Variants in TSPAN13 observed in about 807,000 individuals in gnomAD.
TSPAN13 encodes tetraspanin 13, also known as tetraspanin-13.
A neutral mutation model predicts 26.9 loss-of-function variants in TSPAN13; 18 were observed. The ratio of observed to expected loss-of-function variants is 0.67; its 90% CI spans 0.46 to 0.99. The LOEUF (loss-of-function observed/expected upper bound fraction) is 0.99, where lower values mean the gene tolerates loss of function less well. TSPAN13 is among the 50% of genes least tolerant of loss of function. The pLI is 0.00. For missense variants in TSPAN13, 201 were observed against 249.6 expected (o/e 0.81, Z 1.31); for synonymous variants, 116 against 98.4 (o/e 1.18, Z -1.06).
At chr7:16,754,094 C>T in intron 1 of TSPAN13, 64 bp downstream of exon 1, 1 of 1,526,356 alleles carries the variant, frequency 6.6e-7, no homozygotes, top group South Asian at 1.2e-5. Flanking sequence ...AGCTCTTTGG[C>T]TTCCCTGCCT....
Position 16,775,581 on chromosome 7 carries a change from C to T in TSPAN13, c.64-630C>T, listed in dbSNP as rs371227156. Among the ~76,000 whole-genome samples, 24 of 152,148 alleles carry T rather than the reference C, an allele frequency of 1.6e-4. No individual in the cohort carries two copies. The East Asian group carries it at 2.5e-3, about 16-fold the overall frequency. ...AGTTTTTGAGTATTCCCCAGGGACCCGGTCTTGTGATAGATTCTGGGGCTG... is the reference window on the plus strand; with the variant it reads ...AGTTTTTGAGTATTCCCCAGGGACCTGGTCTTGTGATAGATTCTGGGGCTG... On this transcript the variant is annotated intron_variant, in intron 1 of 5. Coordinates refer to ENST00000262067, the MANE Select transcript of TSPAN13 (RefSeq NM_014399.4).
At chr7:16,761,711 T>C (rs1168054) in intron 1 of TSPAN13, among the ~76,000 whole-genome samples, 2,041 of 141,786 alleles carry the variant, frequency 0.014, 46 homozygotes, top group African/African-American at 0.053. Flanking sequence ...TTTTTTTTTT[T>C]TTTGTAGAGA....
chr7:16,777,658 A>C lies in TSPAN13; in HGVS notation c.313-140A>C, dbSNP rs142635372. On this transcript the variant is annotated intron_variant, in intron 3 of 5. Coordinates refer to ENST00000262067, the MANE Select transcript of TSPAN13 (RefSeq NM_014399.4). Reference sequence around the variant, plus strand: ...GTGCCTTAATTTTTGCTGCAAACTGAGGAATAAGCCTTTGAAAAGTTTTAA... The same window carrying C: ...GTGCCTTAATTTTTGCTGCAAACTGCGGAATAAGCCTTTGAAAAGTTTTAA... 5,013 of 515,814 alleles carry C rather than the reference A, an allele frequency of 9.7e-3. 216 individuals carry two copies. The highest frequency in any genetic ancestry group is 0.087 in the African/African-American group (4,425 of 50,764). The allele number at this position is 515,814 out of a possible 1,614,324, so 32.0% of individuals were successfully genotyped here. A position where few individuals can be genotyped will look rare whatever the true frequency, so the allele number is the denominator to read the frequency against.
chr7:16,773,147 C>T (rs1437342367), intron 1 of TSPAN13, among the ~76,000 whole-genome samples: 4 of 149,216 alleles, frequency 2.7e-5, no homozygotes, highest in African/African-American at 5.0e-5. Context: ...TACTCTTACT[C>T]GCCTTATAAA....
At chr7:16,759,745 G>C (rs73299615) in intron 1 of TSPAN13, among the ~76,000 whole-genome samples, 60,066 of 148,022 alleles carry the variant, frequency 0.41, 12,518 homozygotes, top group African/African-American at 0.45. Flanking sequence ...GTCACGCAGT[G>C]GCGTGATCTC....
intron 1 of TSPAN13, among the ~76,000 whole-genome samples, chr7:16,757,614 G>T (rs962520321): frequency 6.6e-6 from 1 of 152,110 alleles, no homozygotes; most frequent in African/African-American, 2.4e-5. Flanking sequence ...TTAAAATCAG[G>T]AGGGAAATTT....
At chr7:16,759,127 G>A (rs529873261) in intron 1 of TSPAN13, among the ~76,000 whole-genome samples, 3 of 152,274 alleles carry the variant, frequency 2.0e-5, no homozygotes, top group South Asian at 4.1e-4. Flanking sequence ...AGCGGATGTG[G>A]GAGGATGGGT....
intron 1 of TSPAN13, among the ~76,000 whole-genome samples, chr7:16,754,897 T>C (rs1784465207): frequency 6.6e-6 from 1 of 152,208 alleles, no homozygotes; most frequent in Non-Finnish European, 1.5e-5. Flanking sequence ...TGCTCGTTCA[T>C]CATTCTGACA....
At chr7:16,775,899 C>A in intron 1 of TSPAN13, 1 of 219,956 alleles carries the variant, frequency 4.5e-6, no homozygotes. Flanking sequence ...GTGATTTCTT[C>A]AAAATCTTCA....
chr7:16,758,542 C>T (rs963969278), intron 1 of TSPAN13, among the ~76,000 whole-genome samples: 1 of 152,138 alleles, frequency 6.6e-6, no homozygotes, highest in African/African-American at 2.4e-5. Context: ...TTCTTCTTTC[C>T]AGCTATTCTT....
intron 1 of TSPAN13, among the ~76,000 whole-genome samples, chr7:16,775,526 G>A (rs1176031925): frequency 3.3e-5 from 5 of 152,296 alleles, no homozygotes; most frequent in Admixed American, 2.6e-4. Context: ...GACATTTAAA[G>A]CAGTTAATTT....
chr7:16,768,391 C>G (rs1256409070), intron 1 of TSPAN13, among the ~76,000 whole-genome samples: 5 of 152,192 alleles, frequency 3.3e-5, no homozygotes, highest in Non-Finnish European at 5.9e-5. Flanking sequence ...TATCCCAGCT[C>G]TATCCCTTCC....
chr7:16,780,579 C>T (rs1213946649), intron 5 of TSPAN13, among the ~76,000 whole-genome samples: 1 of 152,094 alleles, frequency 6.6e-6, no homozygotes, highest in Non-Finnish European at 1.5e-5. Context: ...TGTTTAAAAA[C>T]CATAGATTTT....
At chr7:16,777,174 G>GA in intron 3 of TSPAN13, 52 bp downstream of exon 3, 3 of 1,273,316 alleles carry the variant, frequency 2.4e-6, no homozygotes, top group Non-Finnish European at 3.4e-6. Flanking sequence ...GCATGAGTAT[G>GA]AAAAAAAGGA....
chr7:16,755,212 C>T (rs1326764120), intron 1 of TSPAN13, among the ~76,000 whole-genome samples: 2 of 152,194 alleles, frequency 1.3e-5, no homozygotes, highest in Non-Finnish European at 2.9e-5. Flanking sequence ...CTTAGATTAC[C>T]TCCTTGGAAT....
chr7:16,759,494 G>A (rs539724254), intron 1 of TSPAN13, among the ~76,000 whole-genome samples: 3 of 152,148 alleles, frequency 2.0e-5, no homozygotes, highest in African/African-American at 4.8e-5. Flanking sequence ...CCACCCCTAC[G>A]AATCACCTCC....
chr7:16,765,107 C>A lies in TSPAN13; in HGVS notation c.63+11077C>A, dbSNP rs112846792. Among the ~76,000 whole-genome samples, 470 of 151,868 alleles carry A rather than the reference C, an allele frequency of 3.1e-3. 2 individuals carry two copies. The highest frequency in any genetic ancestry group is 0.011 in the African/African-American group (440 of 41,428). On this transcript the variant is annotated intron_variant, in intron 1 of 5. Transcript: ENST00000262067. ...TGCTGTGAGCCCTGGCTAAGAATTT[C>A]TTTCTTTCTTTTTGAGACAGGGTCT...
Position 16,783,623 on chromosome 7 carries a change from A to G in TSPAN13, c.*132A>G, listed in dbSNP as rs1409887911. ...AGTACCTTATTGATAGTGGAATTAT[A>G]TATTTTTACTCTATGTTTCTCTACA... On this transcript the variant is annotated 3_prime_UTR_variant, in exon 6 of 6. Coordinates refer to ENST00000262067, the MANE Select transcript of TSPAN13 (RefSeq NM_014399.4). 5.0e-6 allele frequency: 4 copies of G among 797,642 alleles called. No homozygotes were observed. Among genetic ancestry groups the G allele is most frequent in the South Asian group, 3.5e-5 (2 of 57,046 alleles). The allele number at this position is 797,642 out of a possible 1,614,324, so 49.4% of individuals were successfully genotyped here. A position where few individuals can be genotyped will look rare whatever the true frequency, so the allele number is the denominator to read the frequency against.
chr7:16,764,934 G>GT (rs11429848), intron 1 of TSPAN13, among the ~76,000 whole-genome samples: 64,762 of 148,326 alleles, frequency 0.44, 14,993 homozygotes, highest in African/African-American at 0.6. Flanking sequence ...TTTTGTTTTT[G>GT]TTTTTTTTTT....
Sources: gnomAD v4.1 joint callset for allele counts (sites outside exome capture counted in the v4.1 genomes callset) on GRCh38, gnomAD v4.1.1 for gene constraint, MANE v1.5 for transcripts, NCBI Gene and HGNC (gene_info 2026-07-23, HGNC 2026-07-21) for gene names.